Variants in SSH2 observed in about 807,000 individuals in gnomAD.
The protein encoded by SSH2 is slingshot protein phosphatase 2.
Under a neutral mutation model 135.2 loss-of-function variants are expected in SSH2, and 37 were observed. The ratio of observed to expected loss-of-function variants is 0.27; its 90% CI spans 0.21 to 0.36. The LOEUF (loss-of-function observed/expected upper bound fraction) is 0.36. Among genes scored for constraint, SSH2 ranks in the 10% least tolerant of loss-of-function variants. SSH2 has a pLI of 1.00. For missense variants in SSH2, 1,408 were observed against 1,765.3 expected (o/e 0.80, Z 3.63); for synonymous variants, 628 against 646.2 (o/e 0.97, Z 0.43).
At chr17:29,638,282 G>GAA (rs913290523) in intron 14 of SSH2, among the ~76,000 whole-genome samples, 1 of 88,656 alleles carries the variant, frequency 1.1e-5, no homozygotes, top group Non-Finnish European at 2.4e-5. Context: ...TCTGTGGTAA[G>GAA]AAAAAAAAAA....
At chr17:29,669,495 T>A (rs115432050) in intron 9 of SSH2, among the ~76,000 whole-genome samples, 5,131 of 152,300 alleles carry the variant, frequency 0.034, 126 homozygotes, top group African/African-American at 0.063. Context: ...CTAGTCAGTT[T>A]AGGGAGGAGG....
chr17:29,640,180 G>A (rs1202814967), intron 14 of SSH2, among the ~76,000 whole-genome samples: 3 of 151,582 alleles, frequency 2.0e-5, no homozygotes, highest in East Asian at 1.9e-4. Context: ...CCGGGTTCAC[G>A]CCATTCTCCT....
chr17:29,842,453 CA>C (rs372367860), intron 2 of SSH2, among the ~76,000 whole-genome samples: 53,558 of 117,158 alleles, frequency 0.46, 12,045 homozygotes, highest in East Asian at 0.69. Flanking sequence ...GACTCAGTGT[CA>C]AAAAAAAAAA....
chr17:29,875,434 A>G (rs1163262650), intron 1 of SSH2, among the ~76,000 whole-genome samples: 1 of 152,076 alleles, frequency 6.6e-6, no homozygotes, highest in Non-Finnish European at 1.5e-5. Context: ...ATCACCTCTT[A>G]TCTGCAATTG....
At chr17:29,874,287 T>C (rs2065989951) in intron 1 of SSH2, among the ~76,000 whole-genome samples, 2 of 115,998 alleles carry the variant, frequency 1.7e-5, no homozygotes, top group Non-Finnish European at 3.3e-5. Flanking sequence ...CAACACTCTG[T>C]CTCAAAAAAA....
chr17:29,928,467 A>C, intron 1 of SSH2: 1 of 398,494 alleles, frequency 2.5e-6, no homozygotes, highest in East Asian at 3.6e-5. Flanking sequence ...CCTTTGCTTG[A>C]ATATTTCCAG....
intron 2 of SSH2, among the ~76,000 whole-genome samples, chr17:29,800,418 G>A (rs541506121): frequency 5.3e-5 from 8 of 152,246 alleles, no homozygotes; most frequent in African/African-American, 1.7e-4. Flanking sequence ...GTAGCTGAAG[G>A]TGGAATGCTT....
chr17:29,861,397 T>C (rs181154055), intron 1 of SSH2, among the ~76,000 whole-genome samples: 1 of 152,316 alleles, frequency 6.6e-6, no homozygotes, highest in African/African-American at 2.4e-5. Flanking sequence ...TGACTGATTA[T>C]GTTGCATCCT....
intron 3 of SSH2, among the ~76,000 whole-genome samples, chr17:29,767,619 GCA>G (rs1314814466): frequency 1.8e-5 from 2 of 113,420 alleles, no homozygotes; most frequent in South Asian, 2.7e-4. Flanking sequence ...AAGCATACAT[GCA>G]CACACACGCA....
Position 29,684,749 on chromosome 17 carries a change from C to A in SSH2, c.358-65G>T, listed in dbSNP as rs572056187. On this transcript the variant is annotated intron_variant, in intron 5 of 15. Coordinates refer to ENST00000540801, the MANE Select transcript of SSH2 (RefSeq NM_001282129.2). ...GACATTAATTTCAGATCATTTCAAC[C>A]CTTTTTCATCAGCATCTTAAAGCAT... 2.9e-4 allele frequency: 437 copies of A among 1,493,804 alleles called. 2 individuals carry two copies. The highest frequency in any genetic ancestry group is 2.0e-5 in the Non-Finnish European group (22 of 1,092,020). 92.5% of individuals were successfully genotyped at this position (1,493,804 alleles called of 1,614,324 possible).
intron 3 of SSH2, among the ~76,000 whole-genome samples, chr17:29,704,336 C>T (rs2039111899): frequency 1.3e-5 from 2 of 152,128 alleles, no homozygotes. Context: ...TGTGTTTAAC[C>T]TACTTGAGTT....
chr17:29,654,733 C>T (rs905831715), intron 12 of SSH2, among the ~76,000 whole-genome samples: 10 of 152,216 alleles, frequency 6.6e-5, no homozygotes, highest in Admixed American at 4.6e-4. Context: ...TACAATCAAA[C>T]TTAATAACCA....
rs1024522408 is a variant in SSH2, at chr17:29,895,194, CATTAT to C, written c.63+34739_63+34743del. 4.9e-5 allele frequency among the ~76,000 whole-genome samples: 7 copies of C among 141,780 alleles called. No individual in the cohort carries two copies. In the East Asian group the frequency reaches 6.1e-4, roughly 12 times the overall value. The allele number at this position is 141,780 out of a possible 152,430, so 93.0% of individuals were successfully genotyped here. A position where few individuals can be genotyped will look rare whatever the true frequency, so the allele number is the denominator to read the frequency against. On this transcript the variant is annotated intron_variant, in intron 1 of 15. Transcript: ENST00000540801. ...ATACATTATACATATATTTTATATACATTATATTATATATTATATATATTTTATAA... is the reference window on the plus strand; with the variant it reads ...ATACATTATACATATATTTTATATACATTATATATTATATATATTTTATAA...
intron 1 of SSH2, among the ~76,000 whole-genome samples, chr17:29,865,227 T>C (rs374571848): frequency 6.6e-6 from 1 of 152,218 alleles, no homozygotes; most frequent in East Asian, 1.9e-4. Flanking sequence ...AAAAGAAGTG[T>C]AAAGTAATTT....
intron 3 of SSH2, among the ~76,000 whole-genome samples, chr17:29,721,256 G>C (rs978231049): frequency 1.3e-5 from 2 of 152,170 alleles, no homozygotes; most frequent in African/African-American, 2.4e-5. Flanking sequence ...ACTTTCATAT[G>C]TGTTTTAAAT....
chr17:29,747,218 C>T (rs2040792405), intron 3 of SSH2, among the ~76,000 whole-genome samples: 1 of 151,760 alleles, frequency 6.6e-6, no homozygotes. Flanking sequence ...AGTTCATTAC[C>T]AAAAAAAATC....
rs944141823 is a variant in SSH2 at position 29,708,961 on chromosome 17, C to T, written c.189-5899G>A. 1.1e-4 allele frequency among the ~76,000 whole-genome samples: 15 copies of T among 138,866 alleles called. 1 individual carries two copies. Among genetic ancestry groups the T allele is most frequent in the Admixed American group, 6.2e-4 (8 of 12,970 alleles). The allele number at this position is 138,866 out of a possible 152,430, so 91.1% of individuals were successfully genotyped here. A position where few individuals can be genotyped will look rare whatever the true frequency, so the allele number is the denominator to read the frequency against. ...GCTTCTCTTTGCCATAGATTGCTTGCTCAATAAGGGGAAAGTCATCCCTAG... is the reference window on the plus strand; with the variant it reads ...GCTTCTCTTTGCCATAGATTGCTTGTTCAATAAGGGGAAAGTCATCCCTAG... On this transcript the variant is annotated intron_variant, in intron 3 of 15. Transcript: ENST00000540801.
chr17:29,766,082 T>C (rs1272897356), intron 3 of SSH2, among the ~76,000 whole-genome samples: 1 of 118,816 alleles, frequency 8.4e-6, no homozygotes, highest in Non-Finnish European at 1.9e-5. Context: ...AAATTCAAAT[T>C]TATTATTATT....
intron 1 of SSH2, among the ~76,000 whole-genome samples, chr17:29,898,724 C>T (rs2066490835): frequency 6.6e-6 from 1 of 152,140 alleles, no homozygotes; most frequent in Admixed American, 6.6e-5. Context: ...GGTACCATTC[C>T]TTCTGAAACT....
Sources: allele counts gnomAD v4.1 joint callset (sites outside exome capture counted in the v4.1 genomes callset), GRCh38; gene constraint gnomAD v4.1.1; transcripts MANE v1.5; gene names NCBI Gene and HGNC (gene_info 2026-07-23, HGNC 2026-07-21).